The following ZMYM4 variants were observed in gnomAD, a reference collection of about 807,000 sequenced individuals.
ZMYM4 encodes zinc finger MYM-type protein 4.
Under a neutral mutation model 183.2 loss-of-function variants are expected in ZMYM4, and 31 were observed. The observed-to-expected ratio is 0.17, with a 90% confidence interval of 0.13 to 0.23. ZMYM4 has a LOEUF of 0.23. ZMYM4 is among the 10% of genes least tolerant of loss of function. The pLI, the probability that ZMYM4 is intolerant of heterozygous loss-of-function variation, is 1.00. For synonymous variants in ZMYM4, 592 were observed against 631.2 expected (o/e 0.94, Z 0.93); for missense variants, 1,273 against 1,840.3 (o/e 0.69, Z 5.64).
At chr1:35,360,126 C>T (rs1335239528) in intron 3 of ZMYM4, among the ~76,000 whole-genome samples, 4 of 152,058 alleles carry the variant, frequency 2.6e-5, no homozygotes, top group Non-Finnish European at 2.9e-5. Context: ...TCCAACAATG[C>T]CTAACTCATA....
intron 12 of ZMYM4, 40 bp from the exon 13 acceptor site, chr1:35,387,414 C>T (rs763341338): frequency 9.5e-6 from 15 of 1,577,142 alleles, no homozygotes; most frequent in Non-Finnish European, 1.2e-5. Context: ...ATAAGACAAA[C>T]CAAATGTTTA....
Position 35,393,667 on chromosome 1 carries a change from T to G in ZMYM4, c.2839T>G (p.Leu947Val). The stretch of plus-strand genomic sequence containing the variant: ...AAGGCTTTTGAAGAACAAAGCTTTA[T>G]TATGCAAACCCATCACACAGACTAA... ...PPRLLKNKAL[L>V]CKPITQTKAT... The change falls in exon 18 of 30, where the codon TTA (leucine) becomes GTA (valine). Residue 947 changes from leucine to valine, a missense_variant. Leu to Val is a conservative substitution (Grantham distance 32). This residue lies in a region of ZMYM4 where 290 missense variants were observed against 353.3 expected (regional missense o/e 0.82). Coordinates refer to ENST00000314607, the MANE Select transcript of ZMYM4 (RefSeq NM_005095.3). 1 of 1,612,866 alleles carries G rather than the reference T, an allele frequency of 6.2e-7. No homozygotes were observed. The highest frequency in any genetic ancestry group is 8.5e-7 in the Non-Finnish European group (1 of 1,179,202).
chr1:35,280,090 T>C (rs1008460473), intron 1 of ZMYM4, among the ~76,000 whole-genome samples: 28 of 151,676 alleles, frequency 1.8e-4, no homozygotes, highest in African/African-American at 6.8e-4. Flanking sequence ...TTTTTTTTTC[T>C]CTCTTTCTCT....
At chr1:35,287,845 C>T (rs980847024) in intron 1 of ZMYM4, among the ~76,000 whole-genome samples, 23 of 152,090 alleles carry the variant, frequency 1.5e-4, no homozygotes, top group African/African-American at 5.6e-4. Context: ...ACCTCGCGGT[C>T]TACCAGCCTT....
intron 9 of ZMYM4, among the ~76,000 whole-genome samples, chr1:35,382,312 T>TTTTTTTTTTTTTTTTTGAGACGG (rs1644481383): frequency 6.6e-6 from 1 of 151,612 alleles, no homozygotes; most frequent in African/African-American, 2.4e-5. Context: ...CTATTTGTTT[T>TTTTTTTTTTTTTTTTTGAGACGG]AACTGGTATT....
At chr1:35,349,600 G>A (rs912175461) in intron 2 of ZMYM4, among the ~76,000 whole-genome samples, 1 of 152,084 alleles carries the variant, frequency 6.6e-6, no homozygotes, top group Non-Finnish European at 1.5e-5. Context: ...GGCTGAGGCA[G>A]GTGGGTCACT....
intron 1 of ZMYM4, among the ~76,000 whole-genome samples, chr1:35,303,309 GA>G (rs57275033): frequency 0.76 from 112,089 of 148,230 alleles, 46,863 homozygotes; most frequent in Non-Finnish European, 0.96. Context: ...AAAAAGAAAA[GA>G]AAAAAAATTG....
At chr1:35,419,106 C>T (rs1241455276) in intron 29 of ZMYM4, among the ~76,000 whole-genome samples, 2 of 152,130 alleles carry the variant, frequency 1.3e-5, no homozygotes, top group South Asian at 2.1e-4. Context: ...CATAGTGTCA[C>T]ATGTGAGTTG....
At chr1:35,289,563 A>G (rs1486163863) in intron 1 of ZMYM4, among the ~76,000 whole-genome samples, 4 of 152,180 alleles carry the variant, frequency 2.6e-5, no homozygotes, top group Non-Finnish European at 5.9e-5. Flanking sequence ...TGATTTAAAA[A>G]TTGGTGATTA....
Position 35,386,143 on chromosome 1 carries a change from G to T in ZMYM4, c.1790G>T (p.Gly597Val), listed in dbSNP as rs1177937930. 6.2e-7 allele frequency: 1 copy of T among 1,613,958 alleles called. No individual in the cohort carries two copies. Among genetic ancestry groups the T allele is most frequent in the Non-Finnish European group, 8.5e-7 (1 of 1,179,914 alleles). ...IPQYHLAMSD[G>V]SIRNFCSYSC... ...CAGTATCACCTAGCCATGTCAGATG[G>T]AAGTATACGCAACTTCTGCAGCTAC... is the stretch of plus-strand genomic sequence containing the variant. Residue 597 changes from glycine (G) to valine (V), a missense_variant, in exon 11 of 30, where the codon GGA becomes GTA. Transcript: ENST00000314607.
chr1:35,335,837 C>T (rs1642950808), intron 2 of ZMYM4, among the ~76,000 whole-genome samples: 1 of 152,082 alleles, frequency 6.6e-6, no homozygotes, highest in South Asian at 2.1e-4. Context: ...CATGTAGTCC[C>T]AGCTACTCGG....
intron 7 of ZMYM4, 102 bp downstream of exon 7, chr1:35,370,729 T>A: frequency 2.5e-6 from 2 of 800,916 alleles, no homozygotes; most frequent in Non-Finnish European, 3.1e-6. Flanking sequence ...ATTTATTCCT[T>A]TTTTTTTTTT....
chr1:35,332,094 TATATAC>T (rs1285260274), intron 2 of ZMYM4, among the ~76,000 whole-genome samples: 1 of 152,026 alleles, frequency 6.6e-6, no homozygotes, highest in Non-Finnish European at 1.5e-5. Flanking sequence ...TTTATTAAAT[TATATAC>T]ATATTTAAAA....
At chr1:35,297,009 C>T (rs1000683536) in intron 1 of ZMYM4, among the ~76,000 whole-genome samples, 4 of 151,910 alleles carry the variant, frequency 2.6e-5, no homozygotes, top group Non-Finnish European at 5.9e-5. Context: ...GCCACCACAC[C>T]CTGCTAACGT....
intron 5 of ZMYM4, among the ~76,000 whole-genome samples, chr1:35,364,770 A>AT: frequency 6.6e-6 from 1 of 152,282 alleles, no homozygotes; most frequent in East Asian, 1.9e-4. Context: ...TTTGTGCTTA[A>AT]TTTAGGTAGT....
At chr1:35,418,607 G>C in intron 29 of ZMYM4, 35 bp downstream of exon 29, 1 of 1,607,882 alleles carries the variant, frequency 6.2e-7, no homozygotes, top group Non-Finnish European at 8.5e-7. Flanking sequence ...AGTGCACTCA[G>C]AAGGCAGTTA....
At chr1:35,357,486 A>G (rs1328540841) in intron 2 of ZMYM4, among the ~76,000 whole-genome samples, 2 of 152,222 alleles carry the variant, frequency 1.3e-5, no homozygotes, top group Admixed American at 6.5e-5. Flanking sequence ...CTTCCTGAGT[A>G]TCCATGTGGA....
chr1:35,314,446 G>A (rs1357558374), intron 1 of ZMYM4, among the ~76,000 whole-genome samples: 3 of 151,328 alleles, frequency 2.0e-5, no homozygotes, highest in African/African-American at 7.3e-5. Context: ...CACCACACCC[G>A]GCTAATTTTT....
intron 20 of ZMYM4, among the ~76,000 whole-genome samples, chr1:35,397,913 C>T (rs1644837730): frequency 6.6e-6 from 1 of 152,080 alleles, no homozygotes; most frequent in Non-Finnish European, 1.5e-5. Context: ...GATGGAAAAC[C>T]ATTTGGCTCA....
Sources: gnomAD v4.1 joint callset for allele counts (sites outside exome capture counted in the v4.1 genomes callset) on GRCh38, gnomAD v4.1.1 for gene constraint, gnomAD v4.1.1 regional missense constraint, MANE v1.5 for transcripts, NCBI Gene and HGNC (gene_info 2026-07-23, HGNC 2026-07-21) for gene names.